Variants in ZC3H15 observed in about 807,000 individuals in gnomAD.
ZC3H15 encodes the protein zinc finger CCCH-type containing 15, also known as zinc finger CCCH domain-containing protein 15.
A neutral mutation model predicts 51.2 loss-of-function variants in ZC3H15; 15 were observed. The ratio of observed to expected loss-of-function variants is 0.29; its 90% confidence interval spans 0.20 to 0.45. The LOEUF is 0.45. Among genes scored for constraint, ZC3H15 ranks in the 20% least tolerant of loss-of-function variants. The pLI is 1.00. For missense variants in ZC3H15, 381 were observed against 494.7 expected, an observed-to-expected ratio of 0.77 and a Z score of 2.18; for synonymous variants, 144 against 162.8, an observed-to-expected ratio of 0.88 and a Z score of 0.88.
rs952428439 is a variant in ZC3H15 at position 186,508,457 on chromosome 2, TGTA to T, written c.1091-82_1091-80del. The T allele has an allele frequency of 2.9e-5, 33 of 1,137,910 alleles. No individual in the cohort carries two copies. The African/African-American group carries it at 5.2e-4, about 18-fold the overall frequency. 70.5% of individuals were successfully genotyped at this position (1,137,910 alleles called of 1,614,324 possible). ...TCATGGAGAAAAGGAAAAGAGGAAG[TGTA>T]GTATCAGTCTATGTTGTCTATTGCT... is the stretch of plus-strand genomic sequence containing the variant. On this transcript the variant is annotated intron_variant, in intron 9 of 9. Coordinates refer to ENST00000337859, the MANE Select transcript of ZC3H15 (RefSeq NM_018471.3).
intron 4 of ZC3H15, among the ~76,000 whole-genome samples, chr2:186,502,072 G>A (rs956851931): frequency 8.6e-5 from 13 of 151,982 alleles, no homozygotes; most frequent in Non-Finnish European, 1.8e-4. Context: ...CGTGAGGCCA[G>A]GAGCAGTGGC....
chr2:186,486,514 C>A (rs958552617), intron 1 of ZC3H15, 57 bp downstream of exon 1: 10 of 1,496,546 alleles, frequency 6.7e-6, no homozygotes, highest in Non-Finnish European at 9.0e-6. Context: ...GCCACTTCCC[C>A]GCTCCGGGCT....
chr2:186,504,534 A>G (rs994550440), intron 6 of ZC3H15, among the ~76,000 whole-genome samples: 18 of 152,102 alleles, frequency 1.2e-4, no homozygotes, highest in Non-Finnish European at 2.1e-4. Flanking sequence ...ATAGTTTTAG[A>G]TTTTTCGCCC....
In ZC3H15 at chr2:186,509,081, A is replaced by G. The variant is rs929543235; in HGVS notation, c.*348A>G. The G allele has an allele frequency of 2.1e-6, 1 of 466,616 alleles. No individual in the cohort carries two copies. The highest frequency in any genetic ancestry group is 2.0e-5 in the African/African-American group (1 of 50,538). 28.9% of individuals were successfully genotyped at this position (466,616 alleles called of 1,614,324 possible). On this transcript the variant is annotated 3_prime_UTR_variant, in exon 10 of 10. Transcript: ENST00000337859. ...CAGAAACAACAAACTTATATTTAAA[A>G]TACCCTTCATTTGACACAGTTTTTA...
intron 1 of ZC3H15, among the ~76,000 whole-genome samples, chr2:186,493,129 A>C (rs902977272): frequency 6.6e-6 from 1 of 152,140 alleles, no homozygotes; most frequent in Admixed American, 6.5e-5. Context: ...GAAAAAAAAA[A>C]AAAACTCAAC....
Position 186,487,607 on chromosome 2 carries a change from C to T in ZC3H15, c.75+1150C>T, listed in dbSNP as rs537185453. Among the ~76,000 whole-genome samples the T allele has an allele frequency of 1.1e-4, 17 of 152,302 alleles. No homozygotes were observed. In the South Asian group the frequency reaches 3.3e-3, roughly 30 times the overall value. ...TGTCATGAAGTACTATAGCCAGACA[C>T]TTAAAAACAAAATATTACCTTCACA... On this transcript the variant is annotated intron_variant, in intron 1 of 9. Coordinates refer to ENST00000337859, the MANE Select transcript of ZC3H15 (RefSeq NM_018471.3).
At chr2:186,505,628 T>C (rs748735453) in intron 7 of ZC3H15, 31 bp downstream of exon 7, 1 of 1,597,992 alleles carries the variant, frequency 6.3e-7, no homozygotes, top group East Asian at 2.2e-5. Context: ...AACTGATTCT[T>C]TATTCTTCCA....
intron 9 of ZC3H15, among the ~76,000 whole-genome samples, chr2:186,507,670 A>G (rs1432872407): frequency 6.6e-6 from 1 of 152,232 alleles, no homozygotes; most frequent in Non-Finnish European, 1.5e-5. Flanking sequence ...AAAACAGCAG[A>G]AGAAATGCCC....
At position 186,508,978 on chromosome 2, in the gene ZC3H15, A is replaced by C; in HGVS notation, c.*245A>C. 1.7e-6 allele frequency: 1 copy of C among 594,918 alleles called. No individual in the cohort carries two copies. The highest frequency in any genetic ancestry group is 3.1e-6 in the Non-Finnish European group (1 of 319,854). The allele number at this position is 594,918 out of a possible 1,614,324, so 36.9% of individuals were successfully genotyped here. A position where few individuals can be genotyped will look rare whatever the true frequency, so the allele number is the denominator to read the frequency against. The stretch of plus-strand genomic sequence containing the variant: ...TAATGGTCATTGCAGAAAATGATTG[A>C]TGTTGTAACTGTCCACCCAAGTAAG... On this transcript the variant is annotated 3_prime_UTR_variant, in exon 10 of 10. Transcript: ENST00000337859.
chr2:186,508,836 G>A lies in ZC3H15; in HGVS notation c.*103G>A, dbSNP rs1216232173. ...AATCAACAGGATGTTTATTTCCTAT[G>A]CTGATTCTGGAGGAGTTAACCTCCT... On this transcript the variant is annotated 3_prime_UTR_variant, in exon 10 of 10. Coordinates refer to ENST00000337859, the MANE Select transcript of ZC3H15 (RefSeq NM_018471.3). The A allele has an allele frequency of 7.6e-7, 1 of 1,310,980 alleles. No individual in the cohort carries two copies. The highest frequency in any genetic ancestry group is 2.5e-5 in the East Asian group (1 of 40,278). The allele number at this position is 1,310,980 out of a possible 1,614,324, so 81.2% of individuals were successfully genotyped here.
rs1340122156 is a variant in ZC3H15 at position 186,501,289 on chromosome 2, T to C, written c.306T>C (p.Ser102=). The C allele has an allele frequency of 1.9e-6, 3 of 1,608,898 alleles. No individual in the cohort carries two copies. The South Asian group carries it at 3.3e-5, about 18-fold the overall frequency. The change falls in exon 4 of 10, where the codon TCT becomes TCC. Residue 102 remains serine (S), a synonymous_variant. Transcript: ENST00000337859. ...QKISKGADPK[S]VVCAFFKQGQ... is the part of the protein sequence containing the mutation. ...TTGACATAGGTGCAGATCCCAAGTC[T>C]GTAGTATGTGCATTCTTCAAGCAAG...
chr2:186,497,679 C>T (rs1251256343), intron 2 of ZC3H15, among the ~76,000 whole-genome samples: 1 of 152,156 alleles, frequency 6.6e-6, no homozygotes. Flanking sequence ...CACTTAGCCC[C>T]TTTTTCAATC....
At chr2:186,502,391 G>A in intron 4 of ZC3H15, 105 bp from the exon 5 acceptor site, 3 of 923,782 alleles carry the variant, frequency 3.2e-6, no homozygotes, top group East Asian at 2.9e-5. Context: ...AAAGAAAAAT[G>A]TGTTAAGCCA....
chr2:186,501,446 CT>C (rs756027146), intron 4 of ZC3H15, 21 bp downstream of exon 4: 2 of 1,594,496 alleles, frequency 1.3e-6, no homozygotes, highest in Admixed American at 3.5e-5. Flanking sequence ...TAAAAACACT[CT>C]CTTAAAAATA....
In ZC3H15 at chr2:186,508,926, A is replaced by G; in HGVS notation, c.*193A>G. On this transcript the variant is annotated 3_prime_UTR_variant, in exon 10 of 10. Coordinates refer to ENST00000337859, the MANE Select transcript of ZC3H15 (RefSeq NM_018471.3). ...TTTGGCTACATCTCATAGTAAGTTC[A>G]GAGTAGTTCATGATAAATTGAAAAT... The G allele has an allele frequency of 1.5e-6, 1 of 658,854 alleles. No homozygotes were observed. The highest frequency in any genetic ancestry group is 2.7e-6 in the Non-Finnish European group (1 of 368,416). 40.8% of individuals were successfully genotyped at this position (658,854 alleles called of 1,614,324 possible).
chr2:186,503,910 TGAATA>T (rs1309475246), intron 5 of ZC3H15, 117 bp from the exon 6 acceptor site: 1 of 723,698 alleles, frequency 1.4e-6, no homozygotes, highest in Non-Finnish European at 2.1e-6. Flanking sequence ...TGTGCAGAAA[TGAATA>T]GAATGTACTT....
intron 5 of ZC3H15, 96 bp downstream of exon 5, chr2:186,502,683 G>GT: frequency 1.0e-6 from 1 of 987,178 alleles, no homozygotes; most frequent in South Asian, 1.8e-5. Flanking sequence ...AGATTATTCT[G>GT]TAAGTTACTG....
chr2:186,501,180 A>G (rs1685376655), intron 3 of ZC3H15, 93 bp from the exon 4 acceptor site: 8 of 1,375,350 alleles, frequency 5.8e-6, no homozygotes, highest in East Asian at 2.4e-5. Context: ...TGAATGGAAA[A>G]TAAGTTAACC....
At chr2:186,488,841 C>T (rs1263373221) in intron 1 of ZC3H15, 2 of 152,524 alleles carry the variant, frequency 1.3e-5, no homozygotes, top group Admixed American at 6.5e-5. Flanking sequence ...CTGGGAAGGA[C>T]TGGTCTTGAC....
Sources: gnomAD v4.1 joint callset for allele counts (sites outside exome capture counted in the v4.1 genomes callset) on GRCh38, gnomAD v4.1.1 for gene constraint, MANE v1.5 for transcripts, NCBI Gene and HGNC (gene_info 2026-07-23, HGNC 2026-07-21) for gene names.